ZNF462: variants seen among roughly 807,000 people sequenced by gnomAD.
ZNF462 encodes zinc finger PBX1-interacting protein.
Under a neutral mutation model 201.9 loss-of-function variants are expected in ZNF462, and 10 were observed. The observed-to-expected ratio is 0.05, with a 90% CI of 0.03 to 0.08. The LOEUF (loss-of-function observed/expected upper bound fraction) is 0.08. Ranked by LOEUF, ZNF462 falls within the 10% of genes least tolerant of loss-of-function variation. ZNF462 has a pLI of 1.00. For synonymous variants in ZNF462, 1,227 were observed against 1,193.3 expected (o/e 1.03, Z -0.58); for missense variants, 2,523 against 3,168.3 (o/e 0.80, Z 4.89).
rs1829346695 is a variant in ZNF462, at chr9:107,003,547, C to A, written c.7189+121C>A. The A allele has an allele frequency of 7.8e-7, 1 of 1,287,340 alleles. No individual in the cohort carries two copies. Among genetic ancestry groups the A allele is most frequent in the Non-Finnish European group, 1.0e-6 (1 of 961,986 alleles). The allele number at this position is 1,287,340 out of a possible 1,614,324, so 79.7% of individuals were successfully genotyped here. ...GGAATGATCCTTCTTAGTTAAGTAG[C>A]AGAACAGACTGACTTAGAAAACACA... On this transcript the variant is annotated intron_variant, in intron 11 of 12. Transcript: ENST00000277225. This position sits in a 1 kb window ranked among gnomAD's most constrained non-coding sequence, Gnocchi z 4.4.
rs545644673 is a variant in ZNF462, at chr9:106,872,354, G to T, written c.-31+8999G>T. ...AAGTGAGAAGGGAGTCTTTGTAGAA[G>T]AGACCATTTTCTTTTTTCTTTTCTT... On this transcript the variant is annotated intron_variant, in intron 1 of 12. Coordinates refer to ENST00000277225, the MANE Select transcript of ZNF462 (RefSeq NM_021224.6). The surrounding 1 kb of genome is among the most constrained non-coding windows in gnomAD (Gnocchi z 4.5). 3.2e-4 allele frequency among the ~76,000 whole-genome samples: 49 copies of T among 152,256 alleles called. No homozygotes were observed. Among genetic ancestry groups the T allele is most frequent in the African/African-American group, 1.1e-3 (44 of 41,552 alleles).
chr9:106,967,546 A>C (rs1005401488), intron 7 of ZNF462, among the ~76,000 whole-genome samples: 1 of 152,106 alleles, frequency 6.6e-6, no homozygotes, highest in African/African-American at 2.4e-5. Context: ...ATGAAAAATG[A>C]GAGGGTTAGG....
rs912228821 is a variant in ZNF462 at position 106,972,730 on chromosome 9, C to T, written c.6695+458C>T. ...CTTAAGATCGTAGTATTGAAAGACA[C>T]ATAGAGAATCAAGACCCTGGCACTT... On this transcript the variant is annotated intron_variant, in intron 8 of 12. Transcript: ENST00000277225. This position sits in a 1 kb window ranked among gnomAD's most constrained non-coding sequence, Gnocchi z 4.8. Among the ~76,000 whole-genome samples the T allele has an allele frequency of 7.2e-5, 11 of 152,156 alleles. No homozygotes were observed. Among genetic ancestry groups the T allele is most frequent in the Admixed American group, 6.5e-4 (10 of 15,282 alleles).
chr9:106,975,871 A>T (rs888959793), intron 9 of ZNF462: 4 of 152,200 alleles, frequency 2.6e-5, no homozygotes, highest in Non-Finnish European at 4.4e-5. Context: ...GAGAGATTAA[A>T]CACTACGACC....
chr9:106,893,172 A>G (rs1265992000), intron 1 of ZNF462, among the ~76,000 whole-genome samples: 1 of 152,242 alleles, frequency 6.6e-6, no homozygotes. Flanking sequence ...GCCAAGAAGC[A>G]GATGTGCTCT....
At position 106,984,025 on chromosome 9, in the gene ZNF462, T is replaced by C. The variant is rs934979516; in HGVS notation, c.6833-161T>C. Among the ~76,000 whole-genome samples, 1 of 152,102 alleles carries C rather than the reference T, an allele frequency of 6.6e-6. No homozygotes were observed. The highest frequency in any genetic ancestry group is 2.4e-5 in the African/African-American group (1 of 41,428). On this transcript the variant is annotated intron_variant, in intron 9 of 12. Transcript: ENST00000277225. The surrounding 1 kb of genome is among the most constrained non-coding windows in gnomAD (Gnocchi z 6.4). ...ACTCATTCCTGAGGAATATGTTGTT[T>C]GGGGGTTAGGGGAGGGGCAGGGTGC... is the stretch of plus-strand genomic sequence containing the variant.
In ZNF462 at chr9:106,929,146, T is replaced by G; in HGVS notation, c.5234T>G (p.Ile1745Ser). 4 of 1,613,958 alleles carry G rather than the reference T, an allele frequency of 2.5e-6. No homozygotes were observed. Among genetic ancestry groups the G allele is most frequent in the Non-Finnish European group, 3.4e-6 (4 of 1,179,980 alleles). The part of the protein sequence containing the change: ...TISDKPNKVI[I>S]PSPPKDDSPQ... ...AGCGACAAGCCCAACAAAGTGATCA[T>G]CCCATCCCCGCCCAAGGACGACTCC... Residue 1745 changes from isoleucine (I) to serine (S), a missense_variant, in exon 3 of 13, where the codon ATC becomes AGC. Ile to Ser is a moderately radical substitution (Grantham distance 142). This residue lies in a region of ZNF462 where 207 missense variants were observed against 231.6 expected (regional missense o/e 0.89). Coordinates refer to ENST00000277225, the MANE Select transcript of ZNF462 (RefSeq NM_021224.6). This position sits in a 1 kb window ranked among gnomAD's most constrained non-coding sequence, Gnocchi z 8.7.
At chr9:106,899,333 A>T (rs888789851) in intron 1 of ZNF462, among the ~76,000 whole-genome samples, 1 of 151,792 alleles carries the variant, frequency 6.6e-6, no homozygotes, top group Non-Finnish European at 1.5e-5. Flanking sequence ...GTAGTCAAAG[A>T]TAAATTGAAA....
chr9:106,914,324 A>C (rs1473974051), intron 1 of ZNF462, among the ~76,000 whole-genome samples: 2 of 152,152 alleles, frequency 1.3e-5, no homozygotes, highest in Non-Finnish European at 2.9e-5. Context: ...GAGCTAGATA[A>C]TTCTTTGTCG....
chr9:106,958,462 C>T, intron 7 of ZNF462, among the ~76,000 whole-genome samples: 1 of 152,150 alleles, frequency 6.6e-6, no homozygotes, highest in East Asian at 1.9e-4. Flanking sequence ...CTATCTCACA[C>T]TTTAGCCCTT....
At position 106,968,357 on chromosome 9, in the gene ZNF462, A is replaced by G. The variant is rs893416306; in HGVS notation, c.6428-3648A>G. Among the ~76,000 whole-genome samples, 1 of 152,184 alleles carries G rather than the reference A, an allele frequency of 6.6e-6. No individual in the cohort carries two copies. Among genetic ancestry groups the G allele is most frequent in the African/African-American group, 2.4e-5 (1 of 41,446 alleles). ...CTGTGACCATCATTGCTAAAATTCT[A>G]ATTTGATCCTGATTTTAATTCATTT... On this transcript the variant is annotated intron_variant, in intron 7 of 12. Transcript: ENST00000277225. The surrounding 1 kb of genome is among the most constrained non-coding windows in gnomAD (Gnocchi z 4.0).
rs1827713470 is a variant in ZNF462 at position 106,984,870 on chromosome 9, T to G, written c.7056+461T>G. Among the ~76,000 whole-genome samples the G allele has an allele frequency of 6.6e-6, 1 of 152,162 alleles. No homozygotes were observed. Among genetic ancestry groups the G allele is most frequent in the Non-Finnish European group, 1.5e-5 (1 of 68,026 alleles). ...TAGCCTTTGCAGGCCTAAAATGTAG[T>G]CTTTGTGGCAATTAAGAAAGCAGCC... On this transcript the variant is annotated intron_variant, in intron 10 of 12. Transcript: ENST00000277225. This position sits in a 1 kb window ranked among gnomAD's most constrained non-coding sequence, Gnocchi z 6.4.
At chr9:106,904,435 C>T (rs760298512) in intron 1 of ZNF462, among the ~76,000 whole-genome samples, 21 of 152,112 alleles carry the variant, frequency 1.4e-4, no homozygotes, top group Non-Finnish European at 2.1e-4. Context: ...CAATGAATTT[C>T]CCAGGTGTTC....
chr9:107,009,793 A>G lies in ZNF462; in HGVS notation c.7313+125A>G, dbSNP rs1302687256. ...CTGTGTCACATTTCTGGGCCGTGGG[A>G]GGAGAGGCAATGGTGAGGAACCAAG... On this transcript the variant is annotated intron_variant, in intron 12 of 12. Transcript: ENST00000277225. The surrounding 1 kb of genome is among the most constrained non-coding windows in gnomAD (Gnocchi z 6.1). The G allele has an allele frequency of 7.2e-7, 1 of 1,382,884 alleles. No homozygotes were observed. The highest frequency in any genetic ancestry group is 2.4e-5 in the East Asian group (1 of 41,728). 85.7% of individuals were successfully genotyped at this position (1,382,884 alleles called of 1,614,324 possible). A position where few individuals can be genotyped will look rare whatever the true frequency, so the allele number is the denominator to read the frequency against.
At chr9:106,891,181 CAAAAA>C (rs1010522139) in intron 1 of ZNF462, among the ~76,000 whole-genome samples, 1 of 152,000 alleles carries the variant, frequency 6.6e-6, no homozygotes, top group African/African-American at 2.4e-5. Context: ...CAACAAGAGA[CAAAAA>C]AGAAAAATGC....
In ZNF462 at chr9:106,935,847, T is replaced by C. The variant is rs1008301989; in HGVS notation, c.6235+226T>C. On this transcript the variant is annotated intron_variant, in intron 6 of 12. Transcript: ENST00000277225. This position sits in a 1 kb window ranked among gnomAD's most constrained non-coding sequence, Gnocchi z 4.1. Reference sequence around the variant, plus strand: ...AATAATACAAAGCCTATGTCACCCATGTTATGGTTAGTTCGTTCGTCCTAC... The same window carrying C: ...AATAATACAAAGCCTATGTCACCCACGTTATGGTTAGTTCGTTCGTCCTAC... 3.3e-5 allele frequency among the ~76,000 whole-genome samples: 5 copies of C among 152,224 alleles called. No individual in the cohort carries two copies. Among genetic ancestry groups the C allele is most frequent in the East Asian group, 3.8e-4 (2 of 5,202 alleles).
upstream of ZNF462, among the ~76,000 whole-genome samples, chr9:106,860,504 G>T (rs1342194765): frequency 2.0e-5 from 3 of 151,988 alleles, no homozygotes; most frequent in Admixed American, 2.0e-4. The surrounding 1 kb of genome is among the most constrained non-coding windows in gnomAD (Gnocchi z 7.1). Context: ...CTGCCCCCAG[G>T]GAAGGACGGC....
chr9:106,996,023 G>T (rs1351722318), intron 10 of ZNF462, among the ~76,000 whole-genome samples: 1 of 151,570 alleles, frequency 6.6e-6, no homozygotes, highest in Non-Finnish European at 1.5e-5. Context: ...TGTCCAAGTG[G>T]TCTCATTGTT....
chr9:106,863,065 AGAG>A (rs1208179582), upstream of ZNF462: 3 of 380,194 alleles, frequency 7.9e-6, no homozygotes, highest in South Asian at 1.4e-4. Flanking sequence ...AGGAGAGAGA[AGAG>A]GAGAGAGAGG....
Sources: allele counts gnomAD v4.1 joint callset (sites outside exome capture counted in the v4.1 genomes callset), GRCh38; gene constraint gnomAD v4.1.1; regional missense constraint gnomAD v4.1.1; non-coding constraint Gnocchi (gnomAD v3.1); transcripts MANE v1.5; gene names NCBI Gene and HGNC (gene_info 2026-07-23, HGNC 2026-07-21).